LHFPL3: variants seen among roughly 807,000 people sequenced by gnomAD.
LHFPL3 encodes the protein LHFPL tetraspan subfamily member 3 protein.
Under a neutral mutation model 19.3 loss-of-function variants are expected in LHFPL3, and 5 were observed. That is an observed-to-expected ratio of 0.26 (90% CI 0.14 to 0.54). The LOEUF is 0.54. Ranked by LOEUF, LHFPL3 falls within the 20% of genes least tolerant of loss-of-function variation. The probability of loss-of-function intolerance (pLI) is 0.94; values close to 1 mark genes in which losing one functional copy is unlikely to be tolerated. For missense variants in LHFPL3, 249 were observed against 307.4 expected, an observed-to-expected ratio of 0.81 and a Z score of 1.42; for synonymous variants, 133 against 126.2, an observed-to-expected ratio of 1.05 and a Z score of -0.36.
chr7:104,480,812 A>G (rs1793120357), intron 1 of LHFPL3, among the ~76,000 whole-genome samples: 1 of 152,214 alleles, frequency 6.6e-6, no homozygotes, highest in African/African-American at 2.4e-5. Context: ...CCATGGGTAA[A>G]ATCAAGAATT....
intron 1 of LHFPL3, among the ~76,000 whole-genome samples, chr7:104,679,546 T>G (rs1249179862): frequency 6.6e-6 from 1 of 152,244 alleles, no homozygotes; most frequent in Non-Finnish European, 1.5e-5. Flanking sequence ...CTGGCTTGAT[T>G]GGTCAATGTT....
chr7:104,499,193 AG>A (rs1226751442), intron 1 of LHFPL3, among the ~76,000 whole-genome samples: 1 of 152,248 alleles, frequency 6.6e-6, no homozygotes, highest in Non-Finnish European at 1.5e-5. Context: ...GATAAGAGTC[AG>A]GAGACAGAGT....
intron 1 of LHFPL3, among the ~76,000 whole-genome samples, chr7:104,501,326 G>A (rs1016185880): frequency 6.6e-6 from 1 of 152,128 alleles, no homozygotes; most frequent in African/African-American, 2.4e-5. Flanking sequence ...AAGCTATTAA[G>A]TAAGATGAAG....
intron 2 of LHFPL3, among the ~76,000 whole-genome samples, chr7:104,763,684 A>G (rs1391543032): frequency 6.6e-6 from 1 of 150,768 alleles, no homozygotes; most frequent in African/African-American, 2.4e-5. Flanking sequence ...GGATCTTGAC[A>G]AAAGCAGTGT....
chr7:104,399,737 GC>G lies in LHFPL3; in HGVS notation c.445+70514del, dbSNP rs1423629252. Among the ~76,000 whole-genome samples the G allele has an allele frequency of 4.0e-5, 6 of 150,678 alleles. No homozygotes were observed. The highest frequency in any genetic ancestry group is 2.0e-4 in the Admixed American group (3 of 15,062). On this transcript the variant is annotated intron_variant, in intron 1 of 2. Transcript: ENST00000424859. This position sits in a 1 kb window ranked among gnomAD's most constrained non-coding sequence, Gnocchi z 4.4. ...TCCGCCCACCTCGGCCTCCCAAAGT[GC>G]TGGGATTACAGTTGTAAGCCACTGC...
chr7:104,387,926 ATCC>A (rs1195507833), intron 1 of LHFPL3, among the ~76,000 whole-genome samples: 2 of 152,136 alleles, frequency 1.3e-5, no homozygotes, highest in East Asian at 1.9e-4. Flanking sequence ...TAGTTTTTCT[ATCC>A]TCCTCCTCCT....
intron 1 of LHFPL3, among the ~76,000 whole-genome samples, chr7:104,453,763 C>T (rs1221521464): frequency 6.6e-6 from 1 of 152,062 alleles, no homozygotes; most frequent in Non-Finnish European, 1.5e-5. Flanking sequence ...TAAGCTGTCA[C>T]TCTGAGTTCT....
At chr7:104,794,068 C>T (rs756195522) in intron 2 of LHFPL3, among the ~76,000 whole-genome samples, 6 of 152,152 alleles carry the variant, frequency 3.9e-5, no homozygotes, top group Non-Finnish European at 8.8e-5. Flanking sequence ...ACTGAACATA[C>T]ACGTATGATC....
Position 104,781,581 on chromosome 7 carries a change from C to T in LHFPL3, c.682+44670C>T, listed in dbSNP as rs530677516. Among the ~76,000 whole-genome samples, 190 of 152,220 alleles carry T rather than the reference C, an allele frequency of 1.2e-3. 1 individual carries two copies. Among genetic ancestry groups the T allele is most frequent in the Non-Finnish European group, 2.2e-3 (150 of 68,010 alleles). On this transcript the variant is annotated intron_variant, in intron 2 of 2. Transcript: ENST00000424859. ...GCATCTACTAACTGTAAAATAAAAA[C>T]CTTTTCTCAACCTGCATCTACCCTC...
At chr7:104,674,371 T>TC (rs777009185) in intron 1 of LHFPL3, among the ~76,000 whole-genome samples, 25 of 149,512 alleles carry the variant, frequency 1.7e-4, no homozygotes, top group Middle Eastern at 3.5e-3. Flanking sequence ...TTTTTCTTTT[T>TC]CTTTTTTTTT....
chr7:104,471,471 T>C (rs1249084945), intron 1 of LHFPL3, among the ~76,000 whole-genome samples: 1 of 152,210 alleles, frequency 6.6e-6, no homozygotes, highest in East Asian at 1.9e-4. Flanking sequence ...AAGGTAGATA[T>C]TATTACTCTC....
chr7:104,469,873 G>C (rs748458488), intron 1 of LHFPL3, among the ~76,000 whole-genome samples: 12 of 152,070 alleles, frequency 7.9e-5, no homozygotes, highest in Non-Finnish European at 1.6e-4. Flanking sequence ...CTAAATGTGA[G>C]ATAAATGATA....
intron 1 of LHFPL3, among the ~76,000 whole-genome samples, chr7:104,537,181 C>T (rs1794404875): frequency 6.6e-6 from 1 of 152,200 alleles, no homozygotes; most frequent in Non-Finnish European, 1.5e-5. Context: ...GGCATTTCAA[C>T]ACCCCATCTC....
intron 1 of LHFPL3, among the ~76,000 whole-genome samples, chr7:104,460,386 AAGT>A (rs1260007216): frequency 6.6e-5 from 10 of 152,158 alleles, no homozygotes; most frequent in South Asian, 4.1e-4. Context: ...TTGCTGGGTC[AAGT>A]AGTAGTTCTA....
At chr7:104,807,405 A>G (rs933255112) in intron 2 of LHFPL3, among the ~76,000 whole-genome samples, 1 of 152,224 alleles carries the variant, frequency 6.6e-6, no homozygotes, top group South Asian at 2.1e-4. Context: ...TCTAGTCTGC[A>G]GAACTGTTAG....
chr7:104,845,844 C>T (rs533301621), intron 2 of LHFPL3, among the ~76,000 whole-genome samples: 14 of 152,346 alleles, frequency 9.2e-5, no homozygotes, highest in African/African-American at 3.4e-4. Context: ...ATGCAGTGTT[C>T]TCTGGGGCCA....
At chr7:104,580,957 G>A (rs1245405450) in intron 1 of LHFPL3, among the ~76,000 whole-genome samples, 1 of 151,750 alleles carries the variant, frequency 6.6e-6, no homozygotes, top group Non-Finnish European at 1.5e-5. Context: ...GTTATTTTCA[G>A]TTTATGAATA....
At chr7:104,710,252 G>A (rs1793276113) in intron 1 of LHFPL3, among the ~76,000 whole-genome samples, 1 of 152,194 alleles carries the variant, frequency 6.6e-6, no homozygotes, top group African/African-American at 2.4e-5. Context: ...CTTTAGTATT[G>A]TTGCACCACA....
rs151137415 is a variant in LHFPL3 at position 104,848,225 on chromosome 7, T to C, written c.683-57962T>C. Among the ~76,000 whole-genome samples, 331 of 152,126 alleles carry C rather than the reference T, an allele frequency of 2.2e-3. 5 individuals are homozygous for C. Among genetic ancestry groups the C allele is most frequent in the African/African-American group, 7.8e-3 (322 of 41,506 alleles). Reference sequence around the variant, plus strand: ...CCTCTGCATGGCACTTCACATGAGATTGAAAGATGACAATCCACCATGTCA... The same window carrying C: ...CCTCTGCATGGCACTTCACATGAGACTGAAAGATGACAATCCACCATGTCA... On this transcript the variant is annotated intron_variant, in intron 2 of 2. Transcript: ENST00000424859.
Sources: allele counts gnomAD v4.1 joint callset (sites outside exome capture counted in the v4.1 genomes callset), GRCh38; gene constraint gnomAD v4.1.1; non-coding constraint Gnocchi (gnomAD v3.1); transcripts MANE v1.5; gene names NCBI Gene and HGNC (gene_info 2026-07-23, HGNC 2026-07-21).